The following PLXNC1 variants were observed in gnomAD, a reference collection of about 807,000 sequenced individuals.
PLXNC1 encodes the protein plexin C1, also known as plexin-C1.
A neutral mutation model predicts 178.2 loss-of-function variants in PLXNC1; 75 were observed. The ratio of observed to expected loss-of-function variants is 0.42; its 90% CI spans 0.35 to 0.51. The LOEUF (loss-of-function observed/expected upper bound fraction) is 0.51, where lower values mean the gene tolerates loss of function less well. Ranked by LOEUF, PLXNC1 falls within the 20% of genes least tolerant of loss-of-function variation. The pLI is 0.02. For missense variants in PLXNC1, 1,503 were observed against 1,984.4 expected (o/e 0.76, Z 4.61); for synonymous variants, 790 against 779.9 (o/e 1.01, Z -0.22).
chr12:94,168,644 A>G (rs10732654), intron 1 of PLXNC1, among the ~76,000 whole-genome samples: 133,177 of 152,194 alleles, frequency 0.88, 58,340 homozygotes, highest in East Asian at 0.97. Context: ...CCCTGTCTTT[A>G]GGCTTCCTGT....
In PLXNC1 at chr12:94,225,805, C is replaced by A. The variant is rs941327312; in HGVS notation, c.1791-800C>A. On this transcript the variant is annotated intron_variant, in intron 7 of 30. Transcript: ENST00000258526. ...AAGCGAGCAAATCACAAACCCGTGT[C>A]TAGCTCACTTAGGTGGCCGGATCCA... Among the ~76,000 whole-genome samples the A allele has an allele frequency of 3.3e-4, 50 of 152,228 alleles. 2 individuals are homozygous for A. The highest frequency in any genetic ancestry group is 6.5e-5 in the Admixed American group (1 of 15,288).
chr12:94,264,501 GCCCGGGCCGGGCCTGGCCTGGC>G (rs148730742), intron 20 of PLXNC1, among the ~76,000 whole-genome samples: 10,567 of 152,246 alleles, frequency 0.069, 427 homozygotes, highest in African/African-American at 0.1. Flanking sequence ...TCTGGGAACT[GCCCGGGCCGGGCCTGGCCTGGC>G]CCATGGAGAG....
At chr12:94,293,783 T>A (rs1395364599) in intron 23 of PLXNC1, among the ~76,000 whole-genome samples, 1 of 152,128 alleles carries the variant, frequency 6.6e-6, no homozygotes, top group African/African-American at 2.4e-5. Context: ...TGCGCCCAGA[T>A]AATTAAAAAA....
intron 5 of PLXNC1, among the ~76,000 whole-genome samples, chr12:94,217,758 T>C (rs1000563881): frequency 6.6e-6 from 1 of 152,226 alleles, no homozygotes; most frequent in African/African-American, 2.4e-5. Flanking sequence ...TCTTGATGAT[T>C]CCTTGATACC....
intron 1 of PLXNC1, among the ~76,000 whole-genome samples, chr12:94,162,967 AG>A (rs1961444666): frequency 6.6e-6 from 1 of 152,186 alleles, no homozygotes; most frequent in Admixed American, 6.5e-5. Flanking sequence ...GAATGCTAGA[AG>A]TCCCGCATCA....
chr12:94,177,525 G>GA lies in PLXNC1; in HGVS notation c.1204-3921_1204-3920insA, dbSNP rs1440593580. ...AAACAAAGAAAGAAAGAGAGAGAGA[G>GA]GGAGAAAGAAAGAAAGAGAGAGAAA... is the stretch of plus-strand genomic sequence containing the variant. On this transcript the variant is annotated intron_variant, in intron 2 of 30. Transcript: ENST00000258526. 3.9e-4 allele frequency among the ~76,000 whole-genome samples: 36 copies of GA among 91,990 alleles called. No individual in the cohort carries two copies. The South Asian group carries it at 9.7e-3, about 25-fold the overall frequency. The allele number at this position is 91,990 out of a possible 152,430, so 60.3% of individuals were successfully genotyped here.
intron 15 of PLXNC1, among the ~76,000 whole-genome samples, chr12:94,253,365 C>T (rs1189309947): frequency 6.6e-6 from 1 of 151,962 alleles, no homozygotes; most frequent in African/African-American, 2.4e-5. Flanking sequence ...ATCTATTTAC[C>T]TTATGTTCAT....
At chr12:94,160,822 T>C (rs1961357969) in intron 1 of PLXNC1, among the ~76,000 whole-genome samples, 1 of 152,194 alleles carries the variant, frequency 6.6e-6, no homozygotes, top group Non-Finnish European at 1.5e-5. Flanking sequence ...AATATATCGA[T>C]CTATCAAAAT....
chr12:94,305,204 A>T lies in PLXNC1; in HGVS notation c.4626A>T (p.Glu1542Asp). 1 of 1,609,114 alleles carries T rather than the reference A, an allele frequency of 6.2e-7. No individual in the cohort carries two copies. Among genetic ancestry groups the T allele is most frequent in the South Asian group, 1.1e-5 (1 of 90,726 alleles). ...AGATTCTAAATAAACTAGAAAGAGA[A>T]CGAGGGCTGGAAGAAGCTCAGAAAC... is the stretch of plus-strand genomic sequence containing the variant. ...FDEILNKLER[E>D]RGLEEAQKQL... is the part of the protein sequence containing the mutation. The change falls in exon 31 of 31, where the codon GAA becomes GAT. Residue 1542 changes from glutamate to aspartate, a missense_variant. Physicochemically the swap from Glu to Asp is conservative, Grantham distance 45. Coordinates refer to ENST00000258526, the MANE Select transcript of PLXNC1 (RefSeq NM_005761.3).
At position 94,283,315 on chromosome 12, in the gene PLXNC1, G is replaced by A. The variant is rs74745470; in HGVS notation, c.3879+914G>A. Among the ~76,000 whole-genome samples, 823 of 152,310 alleles carry A rather than the reference G, an allele frequency of 5.4e-3. 10 individuals are homozygous for A. Among genetic ancestry groups the A allele is most frequent in the African/African-American group, 0.019 (772 of 41,568 alleles). On this transcript the variant is annotated intron_variant, in intron 23 of 30. Transcript: ENST00000258526. ...GCTAGGGTGCAGGCACATCCAGCAGGGAAGGGAGAGCATGCGTGTTAGACT... is the reference window on the plus strand; with the variant it reads ...GCTAGGGTGCAGGCACATCCAGCAGAGAAGGGAGAGCATGCGTGTTAGACT...
chr12:94,260,910 C>G lies in PLXNC1; in HGVS notation c.3450+70C>G. The stretch of plus-strand genomic sequence containing the variant: ...CAGTTATTTTTAGCGGACTCTGATG[C>G]CTTTGCCAGGATAAATCCTGAATGC... On this transcript the variant is annotated intron_variant, in intron 20 of 30. Coordinates refer to ENST00000258526, the MANE Select transcript of PLXNC1 (RefSeq NM_005761.3). This position sits in a 1 kb window ranked among gnomAD's most constrained non-coding sequence, Gnocchi z 4.4. 2 of 1,315,398 alleles carry G rather than the reference C, an allele frequency of 1.5e-6. No individual in the cohort carries two copies. The highest frequency in any genetic ancestry group is 1.9e-5 in the Admixed American group (1 of 53,542). The allele number at this position is 1,315,398 out of a possible 1,614,324, so 81.5% of individuals were successfully genotyped here.
intron 10 of PLXNC1, 148 bp from the exon 11 acceptor site, chr12:94,240,337 G>GC (rs1964354315): frequency 1.4e-5 from 8 of 579,906 alleles, no homozygotes; most frequent in East Asian, 3.0e-5. Context: ...TGGGTCACTG[G>GC]CCCCTCATGA....
intron 23 of PLXNC1, among the ~76,000 whole-genome samples, chr12:94,287,487 C>G (rs762130741): frequency 6.6e-6 from 1 of 152,162 alleles, no homozygotes; most frequent in East Asian, 1.9e-4. Context: ...TTATTGCACC[C>G]GCACCCTGCT....
At chr12:94,179,036 C>T (rs920545652) in intron 2 of PLXNC1, among the ~76,000 whole-genome samples, 23 of 152,146 alleles carry the variant, frequency 1.5e-4, no homozygotes, top group African/African-American at 5.6e-4. Context: ...TGGGCTTGGC[C>T]CAAGCAGATG....
At chr12:94,176,142 C>T (rs1035106990) in intron 2 of PLXNC1, among the ~76,000 whole-genome samples, 25 of 152,160 alleles carry the variant, frequency 1.6e-4, no homozygotes, top group African/African-American at 6.0e-4. Flanking sequence ...CAAAATTCAA[C>T]CCGTTTTGGG....
intron 2 of PLXNC1, among the ~76,000 whole-genome samples, chr12:94,178,040 T>C (rs531644675): frequency 6.6e-6 from 1 of 152,352 alleles, no homozygotes; most frequent in South Asian, 2.1e-4. Context: ...TATTCCCAAT[T>C]GATTCAAAAA....
rs528841570 is a variant in PLXNC1 at position 94,224,774 on chromosome 12, G to A, written c.1790+459G>A. Among the ~76,000 whole-genome samples, 24 of 152,298 alleles carry A rather than the reference G, an allele frequency of 1.6e-4. 2 individuals carry two copies. In the South Asian group the frequency reaches 5.0e-3, roughly 32 times the overall value. On this transcript the variant is annotated intron_variant, in intron 7 of 30. Transcript: ENST00000258526. ...ACACAAAAGTTAGCCAAGCATGGTG[G>A]TATGTGCCTGTAGTCCCAGCTACTT...
chr12:94,262,758 C>T (rs893308535), intron 20 of PLXNC1: 2 of 985,320 alleles, frequency 2.0e-6, no homozygotes, highest in Non-Finnish European at 2.4e-6. Flanking sequence ...GCTCCGTGAC[C>T]GCCAGGTAAC....
Position 94,240,470 on chromosome 12 carries a change from T to C in PLXNC1, c.2121-15T>C. ...GTCTGTGTCATGTGAGAGTTCTTTT[T>C]CTACTCTTTTCTAGGATACAGGTTA... On this transcript the variant is annotated splice_polypyrimidine_tract_variant and intron_variant, in intron 10 of 30. Transcript: ENST00000258526. The C allele has an allele frequency of 1.2e-6, 2 of 1,604,462 alleles. No homozygotes were observed. The highest frequency in any genetic ancestry group is 1.7e-4 in the Middle Eastern group (1 of 6,010).
Sources: allele counts gnomAD v4.1 joint callset (sites outside exome capture counted in the v4.1 genomes callset), GRCh38; gene constraint gnomAD v4.1.1; non-coding constraint Gnocchi (gnomAD v3.1); transcripts MANE v1.5; gene names NCBI Gene and HGNC (gene_info 2026-07-23, HGNC 2026-07-21).